Variants in TACC2 observed in about 807,000 individuals in gnomAD.
TACC2 encodes transforming acidic coiled-coil containing protein 2.
Under a neutral mutation model 227.3 loss-of-function variants are expected in TACC2, and 137 were observed. The observed-to-expected ratio is 0.60, with a 90% CI of 0.52 to 0.69. The LOEUF is 0.69. Ranked by LOEUF, TACC2 falls within the 30% of genes least tolerant of loss-of-function variation. The pLI is 0.00. For missense variants in TACC2, 3,470 were observed against 3,694.4 expected, an observed-to-expected ratio of 0.94 and a Z score of 1.57; for synonymous variants, 1,523 against 1,487.5, an observed-to-expected ratio of 1.02 and a Z score of -0.55.
At chr10:122,068,987 C>T (rs945613518) in intron 3 of TACC2, among the ~76,000 whole-genome samples, 4 of 136,206 alleles carry the variant, frequency 2.9e-5, no homozygotes, top group Non-Finnish European at 4.8e-5. Flanking sequence ...CGTGAGGCAC[C>T]GCGCGGGCCC....
intron 3 of TACC2, among the ~76,000 whole-genome samples, chr10:122,082,396 C>A (rs999347226): frequency 6.6e-5 from 10 of 152,146 alleles, no homozygotes; most frequent in African/African-American, 2.4e-4. Context: ...CACTGCTGAT[C>A]AGCATGGAAG....
At chr10:122,046,169 C>A (rs2074965392) in intron 2 of TACC2, among the ~76,000 whole-genome samples, 1 of 96,976 alleles carries the variant, frequency 1.0e-5, no homozygotes, top group African/African-American at 3.0e-5. Flanking sequence ...GAGCAAAACT[C>A]CATCTCAAAA....
chr10:122,248,868 G>A (rs540746681), intron 20 of TACC2, 65 bp downstream of exon 20: 119 of 1,597,682 alleles, frequency 7.4e-5, no homozygotes, highest in Non-Finnish European at 9.8e-5. Flanking sequence ...GGGAGCACTG[G>A]GAGGGGGTAG....
chr10:122,108,192 A>G (rs2083113970), intron 5 of TACC2, among the ~76,000 whole-genome samples: 4 of 151,714 alleles, frequency 2.6e-5, no homozygotes, highest in Admixed American at 1.3e-4. Context: ...TGCCCGGCCA[A>G]TTATATAATT....
intron 2 of TACC2, among the ~76,000 whole-genome samples, chr10:122,039,550 A>G (rs1189822425): frequency 6.6e-6 from 1 of 152,140 alleles, no homozygotes; most frequent in Non-Finnish European, 1.5e-5. Context: ...TTGGGGGACA[A>G]CAAGTGCCTG....
intron 7 of TACC2, among the ~76,000 whole-genome samples, chr10:122,166,425 C>T (rs903634430): frequency 3.9e-5 from 6 of 152,046 alleles, no homozygotes; most frequent in African/African-American, 7.3e-5. Context: ...AGGGAGGGAG[C>T]GACTTTTGTA....
chr10:122,250,536 A>T (rs891313935), intron 22 of TACC2, among the ~76,000 whole-genome samples: 1 of 152,110 alleles, frequency 6.6e-6, no homozygotes, highest in Non-Finnish European at 1.5e-5. Flanking sequence ...GCCCCAGGGG[A>T]TTGGCTGTCC....
chr10:122,222,302 C>G (rs2095537596), intron 11 of TACC2, among the ~76,000 whole-genome samples: 1 of 152,166 alleles, frequency 6.6e-6, no homozygotes, highest in African/African-American at 2.4e-5. Flanking sequence ...AGAGATCACC[C>G]AAGATGACAG....
At chr10:122,055,086 G>A (rs1474229376) in intron 3 of TACC2, among the ~76,000 whole-genome samples, 1 of 152,038 alleles carries the variant, frequency 6.6e-6, no homozygotes, top group Non-Finnish European at 1.5e-5. Flanking sequence ...TGGGTGTAGC[G>A]GCATGCATCT....
At chr10:122,214,297 G>A (rs572890451) in intron 9 of TACC2, among the ~76,000 whole-genome samples, 3 of 152,278 alleles carry the variant, frequency 2.0e-5, no homozygotes, top group Admixed American at 6.5e-5. Flanking sequence ...TTCAAGCTGC[G>A]ATTGCACTGT....
chr10:122,118,073 G>A (rs1425114315), intron 5 of TACC2, among the ~76,000 whole-genome samples: 1 of 150,564 alleles, frequency 6.6e-6, no homozygotes, highest in Non-Finnish European at 1.5e-5. Context: ...GAGTGCAGTG[G>A]TGCCATCTCA....
rs980875898 is a variant in TACC2, at chr10:122,083,275, G to T, written c.775G>T (p.Gly259Cys). ...TGAGGCCCCTGCTGCAGCCCAGCAG[G>T]GCACAGAAAGCTCAGCGGTCTTGGA... Reference protein sequence around the residue: ...TPEAPAAAQQGTESSAVLEKS... With the variant: ...TPEAPAAAQQCTESSAVLEKS... The change falls in exon 4 of 23, where the codon GGC becomes TGC. Residue 259 changes from glycine (G) to cysteine (C), a missense_variant. Around this residue, in one of 10 missense-constraint regions of TACC2, gnomAD observed 405 missense variants for 389.6 expected, o/e 1.04. Transcript: ENST00000369005. 6.2e-7 allele frequency: 1 copy of T among 1,613,698 alleles called. No individual in the cohort carries two copies. The highest frequency in any genetic ancestry group is 8.5e-7 in the Non-Finnish European group (1 of 1,180,012).
At chr10:122,047,903 T>C (rs1324114873) in intron 2 of TACC2, among the ~76,000 whole-genome samples, 1 of 152,214 alleles carries the variant, frequency 6.6e-6, no homozygotes, top group Non-Finnish European at 1.5e-5. Flanking sequence ...ATGTTGGCAC[T>C]AGACTGTATG....
intron 7 of TACC2, among the ~76,000 whole-genome samples, chr10:122,157,298 G>GCAT (rs539525711): frequency 5.6e-4 from 86 of 152,270 alleles, no homozygotes; most frequent in Non-Finnish European, 1.0e-3. Context: ...AACTAGAAAT[G>GCAT]CATCCCTGGG....
Position 122,224,884 on chromosome 10 carries a change from A to G in TACC2, c.7608+97A>G, listed in dbSNP as rs574566385. The G allele has an allele frequency of 3.5e-4, 344 of 996,588 alleles. 1 individual carries two copies. The highest frequency in any genetic ancestry group is 5.0e-4 in the Non-Finnish European group (318 of 640,134). The allele number at this position is 996,588 out of a possible 1,614,324, so 61.7% of individuals were successfully genotyped here. A position where few individuals can be genotyped will look rare whatever the true frequency, so the allele number is the denominator to read the frequency against. On this transcript the variant is annotated intron_variant, in intron 12 of 22. Transcript: ENST00000369005. ...AGTGTCTCTGGGAGCTCAGACCCCA[A>G]ATCGAGTGTTTTCTGTGTACACAGC... is the stretch of plus-strand genomic sequence containing the variant.
chr10:122,251,069 G>A (rs555829189), intron 22 of TACC2, among the ~76,000 whole-genome samples: 6 of 151,498 alleles, frequency 4.0e-5, no homozygotes, highest in Non-Finnish European at 7.4e-5. Flanking sequence ...ACAGGCATGT[G>A]CCCCCTACCA....
rs2137116321 is a variant in TACC2 at position 122,084,718 on chromosome 10, A to G, written c.2218A>G (p.Ser740Gly). 1 of 1,613,594 alleles carries G rather than the reference A, an allele frequency of 6.2e-7. No homozygotes were observed. Among genetic ancestry groups the G allele is most frequent in the East Asian group, 2.2e-5 (1 of 44,878 alleles). The change falls in exon 4 of 23, where the codon AGC becomes GGC. Residue 740 changes from serine (S) to glycine (G), a missense_variant. Ser to Gly is a moderately conservative substitution (Grantham distance 56, BLOSUM62 0). Transcript: ENST00000369005. ...TGCACCCAAAGCCCAGGAAGGTGAG[A>G]GCACATTGGAAATAAGGAAGATGGG... is the stretch of plus-strand genomic sequence containing the variant. Reference protein sequence around the residue: ...EVAPKAQEGESTLEIRKMGSC... With the variant: ...EVAPKAQEGEGTLEIRKMGSC...
At chr10:122,124,325 A>G (rs1013209387) in intron 5 of TACC2, among the ~76,000 whole-genome samples, 1 of 152,166 alleles carries the variant, frequency 6.6e-6, no homozygotes, top group African/African-American at 2.4e-5. Flanking sequence ...CAGTGGTCCC[A>G]GTGTGTCCTG....
chr10:122,090,138 A>T (rs1013719077), intron 5 of TACC2, among the ~76,000 whole-genome samples: 4 of 151,906 alleles, frequency 2.6e-5, no homozygotes, highest in Admixed American at 2.6e-4. Flanking sequence ...GTATAGTAGT[A>T]CAATAAATAT....
Sources: gnomAD v4.1 joint callset for allele counts (sites outside exome capture counted in the v4.1 genomes callset) on GRCh38, gnomAD v4.1.1 for gene constraint, gnomAD v4.1.1 regional missense constraint, MANE v1.5 for transcripts, NCBI Gene and HGNC (gene_info 2026-07-23, HGNC 2026-07-21) for gene names.